The following ASB6 variants were observed in gnomAD, a reference collection of about 807,000 sequenced individuals.
ASB6 encodes the protein ankyrin repeat and SOCS box containing 6.
ASB6 carries 24 observed loss-of-function variants against 28.6 expected under a neutral mutation model. The observed-to-expected ratio is 0.84, with a 90% CI of 0.61 to 1.18. The LOEUF (loss-of-function observed/expected upper bound fraction) is 1.18, where lower values mean the gene tolerates loss of function less well. Among genes scored for constraint, ASB6 ranks in the 50% most tolerant of loss-of-function variants. The pLI is 0.00. For synonymous variants in ASB6, 267 were observed against 243.4 expected (o/e 1.10, Z -0.90); for missense variants, 519 against 559.8 (o/e 0.93, Z 0.74).
chr9:129,642,116 T>C lies in ASB6; in HGVS notation c.-117A>G, dbSNP rs1269947856. On this transcript the variant is annotated 5_prime_UTR_variant, in exon 1 of 6. Coordinates refer to ENST00000277458, the MANE Select transcript of ASB6 (RefSeq NM_017873.4). This position sits in a 1 kb window ranked among gnomAD's most constrained non-coding sequence, Gnocchi z 4.3. The stretch of plus-strand genomic sequence containing the variant: ...CCACCTGCTCCGCCAGTCCAGCCCC[T>C]GCGCCCGGCCGGGTCCGCTCCTCAG... The C allele has an allele frequency of 1.2e-5, 16 of 1,345,172 alleles. No individual in the cohort carries two copies. The highest frequency in any genetic ancestry group is 7.6e-6 in the Non-Finnish European group (8 of 1,048,988). 83.3% of individuals were successfully genotyped at this position (1,345,172 alleles called of 1,614,324 possible).
At chr9:129,640,435 A>G (rs1383056359) in intron 2 of ASB6, 106 bp downstream of exon 2, 13 of 1,401,244 alleles carry the variant, frequency 9.3e-6, no homozygotes, top group African/African-American at 4.4e-5. Flanking sequence ...AAAGGGGGGG[A>G]AGTCACTCCT....
In ASB6 at chr9:129,639,326, ACAG is replaced by A. The variant is rs1831635817; in HGVS notation, c.403-19_403-17del. ...TCTCGTGGATCTGAGCCAAGGAAGC[ACAG>A]CCAGGTTGGCTTGGGAAGCTGCTCA... On this transcript the variant is annotated splice_polypyrimidine_tract_variant and intron_variant, in intron 3 of 5. Transcript: ENST00000277458. 1 of 1,606,778 alleles carries A rather than the reference ACAG, an allele frequency of 6.2e-7. No individual in the cohort carries two copies.
intron 2 of ASB6, among the ~76,000 whole-genome samples, chr9:129,640,034 C>T (rs1436626066): frequency 6.6e-6 from 1 of 152,220 alleles, no homozygotes; most frequent in East Asian, 1.9e-4. Flanking sequence ...CCCTGCCCTC[C>T]CTGGGCTGAA....
rs532750590 is a variant in ASB6 at position 129,635,673 on chromosome 9, G to A, written c.*2117C>T. ...TGCTGCTGAACCAGCGGTGAGGCAG[G>A]AGCCCAGACCCTGCTCTCCTGCGAG... On this transcript the variant is annotated 3_prime_UTR_variant, in exon 6 of 6. Transcript: ENST00000277458. The A allele has an allele frequency of 5.7e-5, 35 of 614,266 alleles. No homozygotes were observed. In the Admixed American group the frequency reaches 7.4e-4, roughly 13 times the overall value. 38.1% of individuals were successfully genotyped at this position (614,266 alleles called of 1,614,324 possible). A position where few individuals can be genotyped will look rare whatever the true frequency, so the allele number is the denominator to read the frequency against.
intron 2 of ASB6, among the ~76,000 whole-genome samples, chr9:129,639,741 T>C (rs1198185195): frequency 1.3e-5 from 2 of 152,086 alleles, no homozygotes; most frequent in African/African-American, 4.8e-5. Context: ...TCCTCTTCTG[T>C]AAGAAGGGAC....
intron 1 of ASB6, 44 bp from the exon 2 acceptor site, chr9:129,640,766 G>A (rs769736022): frequency 6.2e-7 from 1 of 1,608,072 alleles, no homozygotes; most frequent in Non-Finnish European, 8.5e-7. Context: ...CTGTGGGACC[G>A]GGTGACCGCG....
At chr9:129,639,166 GC>G (rs1564355032) in intron 4 of ASB6, 35 bp downstream of exon 4, 1 of 1,563,152 alleles carries the variant, frequency 6.4e-7, no homozygotes. Flanking sequence ...GTGCCTGGGG[GC>G]CCAGCTGTCC....
At chr9:129,639,956 A>G (rs1242844769) in intron 2 of ASB6, among the ~76,000 whole-genome samples, 2 of 152,162 alleles carry the variant, frequency 1.3e-5, no homozygotes, top group Non-Finnish European at 2.9e-5. Flanking sequence ...GGATGGGGAA[A>G]GGAGACGTGC....
chr9:129,635,150 T>C lies in ASB6; in HGVS notation c.*2640A>G. On this transcript the variant is annotated 3_prime_UTR_variant, in exon 6 of 6. Transcript: ENST00000277458. ...CAGCGGGGCTGAGAAGTACATCCCA[T>C]CCAGTGCCGACATCCGCTTGCATGG... 1.3e-6 allele frequency: 2 copies of C among 1,565,014 alleles called. No individual in the cohort carries two copies. Among genetic ancestry groups the C allele is most frequent in the Non-Finnish European group, 1.7e-6 (2 of 1,159,426 alleles).
chr9:129,641,760 C>A (rs1831707008), intron 1 of ASB6, 127 bp downstream of exon 1: 1 of 1,056,652 alleles, frequency 9.5e-7, no homozygotes, highest in Non-Finnish European at 1.3e-6. Flanking sequence ...AGCCACGCAA[C>A]CCCGGCTTCC....
intron 2 of ASB6, 94 bp from the exon 3 acceptor site, chr9:129,639,602 G>T (rs1831644253): frequency 9.9e-6 from 11 of 1,110,000 alleles, no homozygotes; most frequent in Admixed American, 2.2e-5. Flanking sequence ...CCCACCTAAA[G>T]TGTCCAGAAG....
In ASB6 at chr9:129,642,021, G is replaced by A; in HGVS notation, c.-22C>T. The A allele has an allele frequency of 6.3e-7, 1 of 1,582,294 alleles. No homozygotes were observed. The highest frequency in any genetic ancestry group is 1.8e-5 in the Admixed American group (1 of 56,986). ...GCATCGCCGCGGGCCCCGCGCAGCAGGGCCGTCGCGCTTTCTGCCGAGGCC... is the reference window on the plus strand; with the variant it reads ...GCATCGCCGCGGGCCCCGCGCAGCAAGGCCGTCGCGCTTTCTGCCGAGGCC... On this transcript the variant is annotated 5_prime_UTR_variant, in exon 1 of 6. Coordinates refer to ENST00000277458, the MANE Select transcript of ASB6 (RefSeq NM_017873.4). This position sits in a 1 kb window ranked among gnomAD's most constrained non-coding sequence, Gnocchi z 4.3.
In ASB6 at chr9:129,635,662, C is replaced by T. The variant is rs762917352; in HGVS notation, c.*2128G>A. 11 of 658,284 alleles carry T rather than the reference C, an allele frequency of 1.7e-5. 1 individual carries two copies. Among genetic ancestry groups the T allele is most frequent in the Admixed American group, 1.1e-4 (4 of 35,690 alleles). 40.8% of individuals were successfully genotyped at this position (658,284 alleles called of 1,614,324 possible). On this transcript the variant is annotated 3_prime_UTR_variant, in exon 6 of 6. Coordinates refer to ENST00000277458, the MANE Select transcript of ASB6 (RefSeq NM_017873.4). ...GGCGGGGAGGGTGCTGCTGAACCAGCGGTGAGGCAGGAGCCCAGACCCTGC... is the reference window on the plus strand; with the variant it reads ...GGCGGGGAGGGTGCTGCTGAACCAGTGGTGAGGCAGGAGCCCAGACCCTGC...
chr9:129,641,762 C>G (rs1444270027), intron 1 of ASB6, 125 bp downstream of exon 1: 17 of 1,076,566 alleles, frequency 1.6e-5, no homozygotes, highest in South Asian at 1.9e-5. Context: ...CCACGCAACC[C>G]CGGCTTCCGC....
At position 129,638,180 on chromosome 9, in the gene ASB6, G is replaced by T. The variant is rs113686617; in HGVS notation, c.876C>A (p.His292Gln). Residue 292 changes from histidine to glutamine, a missense_variant, in exon 6 of 6, where the codon CAC becomes CAA. By Grantham distance (24) the His-to-Gln change is conservative (BLOSUM62 0). Transcript: ENST00000277458. ...ESGAAYNCSL[H>Q]GASCWSGFHI... ...GAAAGCCAGACCAGCAGGACGCACCGTGCAGGGAGCAGTTGTAGGCGGCTC... is the reference window on the plus strand; with the variant it reads ...GAAAGCCAGACCAGCAGGACGCACCTTGCAGGGAGCAGTTGTAGGCGGCTC... The T allele has an allele frequency of 6.2e-7, 1 of 1,613,716 alleles. No individual in the cohort carries two copies. The highest frequency in any genetic ancestry group is 8.5e-7 in the Non-Finnish European group (1 of 1,179,910).
In ASB6 at chr9:129,638,469, A is replaced by G. The variant is rs780265047; in HGVS notation, c.599-12T>C. 1 of 1,608,952 alleles carries G rather than the reference A, an allele frequency of 6.2e-7. No homozygotes were observed. The highest frequency in any genetic ancestry group is 8.5e-7 in the Non-Finnish European group (1 of 1,176,066). On this transcript the variant is annotated splice_polypyrimidine_tract_variant and intron_variant, in intron 5 of 5. Coordinates refer to ENST00000277458, the MANE Select transcript of ASB6 (RefSeq NM_017873.4). ...CTTGACGTCTGCCCCTAGAAGAGCC[A>G]TAGAACAAGAGATGCTGGGAGAAGG...
rs550458768 is a variant in ASB6 at position 129,635,640 on chromosome 9, G to C, written c.*2150C>G. The C allele has an allele frequency of 6.4e-6, 5 of 786,814 alleles. No homozygotes were observed. Among genetic ancestry groups the C allele is most frequent in the African/African-American group, 1.7e-5 (1 of 57,874 alleles). 48.7% of individuals were successfully genotyped at this position (786,814 alleles called of 1,614,324 possible). On this transcript the variant is annotated 3_prime_UTR_variant, in exon 6 of 6. Coordinates refer to ENST00000277458, the MANE Select transcript of ASB6 (RefSeq NM_017873.4). ...TTCAAAAGGCAAGGTGGGACCCGGC[G>C]GGGAGGGTGCTGCTGAACCAGCGGT...
intron 1 of ASB6, chr9:129,640,997 C>T (rs1450393225): frequency 5.0e-6 from 2 of 398,160 alleles, no homozygotes; most frequent in Non-Finnish European, 9.0e-6. Flanking sequence ...AGGTACAAAG[C>T]CTCACACACC....
In ASB6 at chr9:129,637,938, G is replaced by A. The variant is rs746489802; in HGVS notation, c.1118C>T (p.Pro373Leu). 4.9e-5 allele frequency: 78 copies of A among 1,593,628 alleles called. No homozygotes were observed. The highest frequency in any genetic ancestry group is 2.0e-4 in the East Asian group (9 of 44,698). The change falls in exon 6 of 6, where the codon CCG (proline) becomes CTG (leucine). Residue 373 changes from proline to leucine, a missense_variant. Transcript: ENST00000277458. ...FSLRQLESYPPPLKHLCRVAI... is the reference protein window; with the variant it reads ...FSLRQLESYPLPLKHLCRVAI... The stretch of plus-strand genomic sequence containing the variant: ...CACACGGCACAGGTGCTTGAGGGGC[G>A]GGGGATAGCTCTCCAGCTGCCTCAA...
Sources: gnomAD v4.1 joint callset for allele counts (sites outside exome capture counted in the v4.1 genomes callset) on GRCh38, gnomAD v4.1.1 for gene constraint, Gnocchi (gnomAD v3.1) non-coding constraint, MANE v1.5 for transcripts, NCBI Gene and HGNC (gene_info 2026-07-23, HGNC 2026-07-21) for gene names.